The following FHIT variants were observed in gnomAD, a reference collection of about 807,000 sequenced individuals.
The protein encoded by FHIT is bis(5'-adenosyl)-triphosphatase.
A neutral mutation model predicts 17.9 loss-of-function variants in FHIT; 19 were observed. The ratio of observed to expected loss-of-function variants is 1.06; its 90% CI spans 0.74 to 1.56. The LOEUF (loss-of-function observed/expected upper bound fraction) is 1.56. FHIT is among the 40% of genes most tolerant of loss of function. The probability of loss-of-function intolerance (pLI) is 0.00; values close to 1 mark genes in which losing one functional copy is unlikely to be tolerated. For missense variants in FHIT, 248 were observed against 189.2 expected (o/e 1.31, Z -1.82); for synonymous variants, 81 against 69.7 (o/e 1.16, Z -0.81).
intron 8 of FHIT, among the ~76,000 whole-genome samples, chr3:59,756,996 T>C (rs973034847): frequency 6.6e-6 from 1 of 152,152 alleles, no homozygotes; most frequent in Non-Finnish European, 1.5e-5. Context: ...TAACAGCACT[T>C]CCAACTGACT....
At chr3:59,914,997 A>C (rs928236241) in intron 8 of FHIT, among the ~76,000 whole-genome samples, 2 of 152,218 alleles carry the variant, frequency 1.3e-5, no homozygotes, top group Non-Finnish European at 2.9e-5. Context: ...TGTAAACCTA[A>C]GATTTTTTTA....
intron 3 of FHIT, among the ~76,000 whole-genome samples, chr3:60,960,462 G>A (rs1709368596): frequency 1.3e-5 from 2 of 152,152 alleles, no homozygotes; most frequent in Admixed American, 6.5e-5. Flanking sequence ...TAGGGTACAT[G>A]TGCACAACGT....
At chr3:60,583,690 G>T (rs1553660539) in intron 4 of FHIT, among the ~76,000 whole-genome samples, 1 of 152,002 alleles carries the variant, frequency 6.6e-6, no homozygotes, top group South Asian at 2.1e-4. Flanking sequence ...GGATTCAGTG[G>T]GCAGGTGGTA....
chr3:61,032,142 T>C (rs2033037978), intron 3 of FHIT, among the ~76,000 whole-genome samples: 1 of 152,234 alleles, frequency 6.6e-6, no homozygotes, highest in Non-Finnish European at 1.5e-5. Flanking sequence ...CCTTCATTCA[T>C]TCAACAAATA....
intron 7 of FHIT, among the ~76,000 whole-genome samples, chr3:59,969,597 G>C (rs1440775186): frequency 6.6e-6 from 1 of 152,028 alleles, no homozygotes; most frequent in African/African-American, 2.4e-5. Context: ...AACAGTAACT[G>C]TGTTTTGTAT....
intron 8 of FHIT, among the ~76,000 whole-genome samples, chr3:59,869,594 G>A (rs1169733085): frequency 6.8e-6 from 1 of 147,600 alleles, no homozygotes; most frequent in Non-Finnish European, 1.5e-5. Context: ...CCATTCTCCT[G>A]CCTCAGCCTC....
chr3:60,987,769 C>T lies in FHIT; in HGVS notation c.-111+54278G>A, dbSNP rs529196568. 5.9e-5 allele frequency among the ~76,000 whole-genome samples: 9 copies of T among 152,242 alleles called. No homozygotes were observed. In the East Asian group the frequency reaches 1.7e-3, roughly 30 times the overall value. On this transcript the variant is annotated intron_variant, in intron 3 of 9. Transcript: ENST00000492590. ...CCAGTTTAGCTTAGAAACAATCAGA[C>T]AAGGACCAAAGGCTTTCTAGGAGGT...
At chr3:60,240,390 A>C (rs1236175404) in intron 5 of FHIT, among the ~76,000 whole-genome samples, 1 of 152,192 alleles carries the variant, frequency 6.6e-6, no homozygotes, top group East Asian at 1.9e-4. Flanking sequence ...AAAACCCTTA[A>C]ATTTCCATCA....
intron 3 of FHIT, among the ~76,000 whole-genome samples, chr3:61,040,555 T>C (rs2033458896): frequency 6.6e-6 from 1 of 152,214 alleles, no homozygotes; most frequent in South Asian, 2.1e-4. Context: ...ACTCTAATGT[T>C]AATATTTTGG....
intron 8 of FHIT, among the ~76,000 whole-genome samples, chr3:59,919,232 T>G (rs563246714): frequency 8.5e-5 from 13 of 152,322 alleles, no homozygotes; most frequent in Non-Finnish European, 1.3e-4. Flanking sequence ...TGAAGAATTG[T>G]GGCCATGTGC....
intron 5 of FHIT, among the ~76,000 whole-genome samples, chr3:60,375,500 A>G (rs1210015300): frequency 6.6e-6 from 1 of 152,066 alleles, no homozygotes; most frequent in African/African-American, 2.4e-5. Flanking sequence ...TCTTGAACCC[A>G]AGAGGCAGAG....
intron 4 of FHIT, among the ~76,000 whole-genome samples, chr3:60,640,049 T>C (rs1217309861): frequency 6.6e-6 from 1 of 152,184 alleles, no homozygotes; most frequent in Non-Finnish European, 1.5e-5. Flanking sequence ...TATTATGGGT[T>C]AATTCATTAA....
intron 4 of FHIT, among the ~76,000 whole-genome samples, chr3:60,755,370 A>C (rs1308796859): frequency 6.6e-6 from 1 of 152,216 alleles, no homozygotes; most frequent in Non-Finnish European, 1.5e-5. Flanking sequence ...ATGCAGGCCC[A>C]TAGCTACCCG....
intron 8 of FHIT, among the ~76,000 whole-genome samples, chr3:59,875,051 T>A (rs1449358271): frequency 6.6e-6 from 1 of 152,236 alleles, no homozygotes; most frequent in Non-Finnish European, 1.5e-5. Flanking sequence ...CCCAGGTGTA[T>A]CTTTTTAGTT....
chr3:59,874,849 C>T (rs191566085), intron 8 of FHIT, among the ~76,000 whole-genome samples: 65 of 152,328 alleles, frequency 4.3e-4, no homozygotes, highest in Middle Eastern at 3.4e-3. Flanking sequence ...CCTTCTAGCA[C>T]TCCCTTTCAG....
chr3:59,996,480 A>G (rs531912445), intron 7 of FHIT, among the ~76,000 whole-genome samples: 312 of 152,210 alleles, frequency 2.0e-3, no homozygotes, highest in African/African-American at 7.1e-3. Context: ...TAAATGCGAC[A>G]TTTTGTGTGT....
At chr3:60,394,576 C>T (rs1467456942) in intron 5 of FHIT, among the ~76,000 whole-genome samples, 1 of 152,114 alleles carries the variant, frequency 6.6e-6, no homozygotes, top group Non-Finnish European at 1.5e-5. Context: ...GGGTTCACAT[C>T]CTGAACTGAG....
intron 4 of FHIT, among the ~76,000 whole-genome samples, chr3:60,676,389 T>C (rs568801193): frequency 6.6e-6 from 1 of 152,310 alleles, no homozygotes; most frequent in East Asian, 1.9e-4. Context: ...GGCTGCAATC[T>C]GGAAAGGACG....
chr3:60,491,771 C>A (rs1470299113), intron 5 of FHIT, among the ~76,000 whole-genome samples: 2 of 152,118 alleles, frequency 1.3e-5, no homozygotes, highest in Non-Finnish European at 1.5e-5. Context: ...ACACAAATAA[C>A]TGAAATATTT....
Sources: gnomAD v4.1 joint callset for allele counts (sites outside exome capture counted in the v4.1 genomes callset) on GRCh38, gnomAD v4.1.1 for gene constraint, MANE v1.5 for transcripts, NCBI Gene and HGNC (gene_info 2026-07-23, HGNC 2026-07-21) for gene names.